Variants in RHOU observed in about 807,000 individuals in gnomAD.
The protein encoded by RHOU is ras homolog family member U, also known as rho-related GTP-binding protein RhoU.
In RHOU, 8 loss-of-function variants were observed where a neutral mutation model predicts 12.6. That is an observed-to-expected ratio of 0.64 (90% CI 0.37 to 1.15). The LOEUF (loss-of-function observed/expected upper bound fraction) is 1.15, where lower values mean the gene tolerates loss of function less well. RHOU is among the 50% of genes most tolerant of loss of function. RHOU has a pLI of 0.01. For missense variants in RHOU, 258 were observed against 347.0 expected (o/e 0.74, Z 2.04); for synonymous variants, 161 against 147.4 (o/e 1.09, Z -0.67).
At chr1:228,735,454 T>G, upstream of RHOU, 1 of 211,964 alleles carries the variant, frequency 4.7e-6, no homozygotes. The surrounding 1 kb of genome is among the most constrained non-coding windows in gnomAD (Gnocchi z 8.1). Context: ...CCACGCGTCG[T>G]GTCGCCGGGA....
chr1:228,695,736 A>G, the RHOU span, among the ~76,000 whole-genome samples: 2 of 152,266 alleles, frequency 1.3e-5, no homozygotes, highest in South Asian at 4.1e-4. Context: ...CCCTCCATGT[A>G]TTTGTTTGGC....
chr1:228,730,760 T>C (rs1662478288), upstream of RHOU, among the ~76,000 whole-genome samples: 1 of 151,922 alleles, frequency 6.6e-6, no homozygotes, highest in Non-Finnish European at 1.5e-5. Flanking sequence ...ATTTAAAGAG[T>C]GAATGAACAC....
the RHOU span, among the ~76,000 whole-genome samples, chr1:228,657,818 A>G: frequency 6.6e-6 from 1 of 152,242 alleles, no homozygotes; most frequent in African/African-American, 2.4e-5. Flanking sequence ...TAGATAGCAT[A>G]TCAAATATCT....
the RHOU span, among the ~76,000 whole-genome samples, chr1:228,686,156 G>A: frequency 1.3e-5 from 2 of 151,958 alleles, no homozygotes; most frequent in African/African-American, 4.8e-5. Context: ...TAGATTTAGA[G>A]GAATTAGTTA....
the RHOU span, among the ~76,000 whole-genome samples, chr1:228,685,592 G>A: frequency 6.6e-6 from 1 of 152,250 alleles, no homozygotes; most frequent in East Asian, 1.9e-4. Context: ...AGAATGATAG[G>A]ATACTGCTCT....
At chr1:228,676,651 G>A in the RHOU span, among the ~76,000 whole-genome samples, 2 of 152,214 alleles carry the variant, frequency 1.3e-5, no homozygotes, top group Non-Finnish European at 2.9e-5. Flanking sequence ...GGCTGAGTCT[G>A]AAAAGAGAGT....
the RHOU span, among the ~76,000 whole-genome samples, chr1:228,662,576 C>G: frequency 2.7e-5 from 4 of 150,202 alleles, no homozygotes; most frequent in African/African-American, 9.8e-5. Context: ...CAAACTATCA[C>G]GAGGACAGAA....
chr1:228,661,036 C>A, the RHOU span, among the ~76,000 whole-genome samples: 1 of 151,608 alleles, frequency 6.6e-6, no homozygotes, highest in African/African-American at 2.4e-5. Flanking sequence ...TCCTATACAC[C>A]AATAACAGAC....
Position 228,743,766 on chromosome 1 carries a change from A to C in RHOU, c.*26A>C. On this transcript the variant is annotated 3_prime_UTR_variant, in exon 3 of 3. Transcript: ENST00000366691. This position sits in a 1 kb window ranked among gnomAD's most constrained non-coding sequence, Gnocchi z 5.1. The stretch of plus-strand genomic sequence containing the variant: ...TGCTGGCAAGACACCCAGAAAGGCT[A>C]TTTTCAGATGAAATCGATATTAGAA... 6.3e-7 allele frequency: 1 copy of C among 1,581,692 alleles called. No individual in the cohort carries two copies. The highest frequency in any genetic ancestry group is 1.4e-5 in the African/African-American group (1 of 73,346).
At chr1:228,711,595 T>C in the RHOU span, among the ~76,000 whole-genome samples, 1 of 152,208 alleles carries the variant, frequency 6.6e-6, no homozygotes, top group Non-Finnish European at 1.5e-5. Context: ...CTGGGAAAAC[T>C]GGCTAGCCAT....
At chr1:228,661,463 A>G in the RHOU span, among the ~76,000 whole-genome samples, 1 of 152,336 alleles carries the variant, frequency 6.6e-6, no homozygotes, top group East Asian at 1.9e-4. Context: ...ACAGCATGGT[A>G]CTGGTCCCAA....
chr1:228,671,823 C>A, the RHOU span, among the ~76,000 whole-genome samples: 1 of 151,788 alleles, frequency 6.6e-6, no homozygotes, highest in South Asian at 2.1e-4. Context: ...TCATCAAATC[C>A]ATATTTGTAC....
chr1:228,666,397 T>C, the RHOU span, among the ~76,000 whole-genome samples: 8 of 152,358 alleles, frequency 5.3e-5, no homozygotes, highest in Admixed American at 5.2e-4. Flanking sequence ...AGTGTATTCA[T>C]CATTTCAAAG....
the RHOU span, among the ~76,000 whole-genome samples, chr1:228,670,498 G>T: frequency 1.3e-5 from 2 of 152,184 alleles, no homozygotes; most frequent in Non-Finnish European, 2.9e-5. Context: ...ACCTCTCAAG[G>T]TCTCTCCTTT....
the RHOU span, among the ~76,000 whole-genome samples, chr1:228,720,179 A>C: frequency 6.6e-5 from 10 of 152,076 alleles, no homozygotes; most frequent in Non-Finnish European, 5.9e-5. Context: ...AATTAAAAGA[A>C]AAAAAAGGAC....
the RHOU span, among the ~76,000 whole-genome samples, chr1:228,673,192 A>T: frequency 2.0e-5 from 3 of 152,314 alleles, no homozygotes; most frequent in Admixed American, 6.5e-5. Flanking sequence ...CCATCTGATC[A>T]CTTTTCCTAA....
the RHOU span, among the ~76,000 whole-genome samples, chr1:228,665,356 G>C: frequency 6.6e-6 from 1 of 152,218 alleles, no homozygotes; most frequent in African/African-American, 2.4e-5. Flanking sequence ...AACTCCCACT[G>C]TCAGGCTTGA....
the RHOU span, among the ~76,000 whole-genome samples, chr1:228,705,827 T>C: frequency 6.6e-6 from 1 of 152,126 alleles, no homozygotes; most frequent in Non-Finnish European, 1.5e-5. Flanking sequence ...GCAGATCACC[T>C]GAGGTCAGGA....
At chr1:228,651,451 A>G in the RHOU span, 1 of 153,112 alleles carries the variant, frequency 6.5e-6, no homozygotes, top group Non-Finnish European at 1.5e-5. Flanking sequence ...GACATTTCAC[A>G]TCTGTGCAAT....
Sources: gnomAD v4.1 joint callset for allele counts (sites outside exome capture counted in the v4.1 genomes callset) on GRCh38, gnomAD v4.1.1 for gene constraint, Gnocchi (gnomAD v3.1) non-coding constraint, MANE v1.5 for transcripts, NCBI Gene and HGNC (gene_info 2026-07-23, HGNC 2026-07-21) for gene names.